Variants in LEMD3 observed in about 807,000 individuals in gnomAD.
The protein encoded by LEMD3 is inner nuclear membrane protein Man1.
In LEMD3, 33 loss-of-function variants were observed where a neutral mutation model predicts 95.2. The ratio of observed to expected loss-of-function variants is 0.35; its 90% CI spans 0.26 to 0.46. The LOEUF (loss-of-function observed/expected upper bound fraction) is 0.46. LEMD3 is among the 20% of genes least tolerant of loss of function. The probability of loss-of-function intolerance (pLI) is 1.00; values close to 1 mark genes in which losing one functional copy is unlikely to be tolerated. For missense variants in LEMD3, 1,210 were observed against 1,192.8 expected, an observed-to-expected ratio of 1.01 and a Z score of -0.21; for synonymous variants, 525 against 474.6, an observed-to-expected ratio of 1.11 and a Z score of -1.38.
chr12:65,238,355 TCTCATTC>T (rs1870832595), intron 4 of LEMD3, 140 bp from the exon 5 acceptor site: 2 of 618,200 alleles, frequency 3.2e-6, no homozygotes, highest in Non-Finnish European at 5.6e-6. Context: ...TTTTCTTTTT[TCTCATTC>T]TTTTTAAAAT....
intron 1 of LEMD3, among the ~76,000 whole-genome samples, chr12:65,192,773 T>G (rs1869283469): frequency 6.6e-6 from 1 of 152,194 alleles, no homozygotes; most frequent in Non-Finnish European, 1.5e-5. Flanking sequence ...ACTTAATGTT[T>G]CAGTATTTTA....
At chr12:65,174,452 C>T (rs1002289773) in intron 1 of LEMD3, among the ~76,000 whole-genome samples, 7 of 152,064 alleles carry the variant, frequency 4.6e-5, no homozygotes, top group East Asian at 1.9e-4. Flanking sequence ...GTCCTAGGCT[C>T]GTATGATCAT....
intron 4 of LEMD3, among the ~76,000 whole-genome samples, chr12:65,222,059 T>C (rs1870308722): frequency 6.6e-6 from 1 of 152,140 alleles, no homozygotes; most frequent in Non-Finnish European, 1.5e-5. Context: ...ATCTTTCAGT[T>C]TGTCACCATT....
chr12:65,188,188 ACT>A (rs148926044), intron 1 of LEMD3, among the ~76,000 whole-genome samples: 7,344 of 152,058 alleles, frequency 0.048, 221 homozygotes, highest in Middle Eastern at 0.12. Context: ...TAGTATAAAG[ACT>A]CTTTTAATAT....
chr12:65,188,488 A>C (rs555193180), intron 1 of LEMD3, among the ~76,000 whole-genome samples: 1 of 152,246 alleles, frequency 6.6e-6, no homozygotes, highest in South Asian at 2.1e-4. Flanking sequence ...ATAAGTGGAA[A>C]GGCCCTAGTT....
intron 4 of LEMD3, among the ~76,000 whole-genome samples, chr12:65,228,402 A>ATT (rs71096032): frequency 4.3e-5 from 6 of 140,556 alleles, no homozygotes; most frequent in East Asian, 2.1e-4. Flanking sequence ...TTATTTATTT[A>ATT]TTTTTTTTTT....
intron 4 of LEMD3, among the ~76,000 whole-genome samples, chr12:65,235,422 G>GT: frequency 6.6e-6 from 1 of 152,048 alleles, no homozygotes; most frequent in South Asian, 2.1e-4. Flanking sequence ...ACTCATATGA[G>GT]TACATATATT....
In LEMD3 at chr12:65,238,517, T is replaced by C; in HGVS notation, c.1711T>C (p.Tyr571His). The C allele has an allele frequency of 6.3e-7, 1 of 1,598,952 alleles. No homozygotes were observed. Among genetic ancestry groups the C allele is most frequent in the Non-Finnish European group, 8.6e-7 (1 of 1,166,296 alleles). ...AAYLKDLGPE[Y>H]EGIFNTSLQW... The stretch of plus-strand genomic sequence containing the variant: ...TTCTTGTTAGGATTTAGGTCCTGAA[T>C]ATGAAGGTATATTTAACACTTCATT... Residue 571 changes from tyrosine to histidine, a missense_variant, in exon 5 of 13, where the codon TAT becomes CAT. Coordinates refer to ENST00000308330, the MANE Select transcript of LEMD3 (RefSeq NM_014319.5).
At chr12:65,212,366 A>G (rs762410284) in intron 2 of LEMD3, among the ~76,000 whole-genome samples, 3 of 152,170 alleles carry the variant, frequency 2.0e-5, no homozygotes, top group Non-Finnish European at 4.4e-5. Context: ...GCATAAGGCA[A>G]ACAGTTTAAA....
chr12:65,201,479 G>A (rs1389908116), intron 1 of LEMD3, among the ~76,000 whole-genome samples: 1 of 152,130 alleles, frequency 6.6e-6, no homozygotes, highest in East Asian at 1.9e-4. Context: ...TTTGATCAGA[G>A]TTTTGTAGTT....
intron 1 of LEMD3, among the ~76,000 whole-genome samples, chr12:65,190,654 T>G (rs1869211668): frequency 6.6e-6 from 1 of 152,154 alleles, no homozygotes; most frequent in Non-Finnish European, 1.5e-5. Context: ...CTCCCTAAAA[T>G]GTATAAAAGC....
chr12:65,228,618 G>A lies in LEMD3; in HGVS notation c.1696-9884G>A, dbSNP rs1014007055. 4.6e-5 allele frequency among the ~76,000 whole-genome samples: 7 copies of A among 151,766 alleles called. No homozygotes were observed. The East Asian group carries it at 5.8e-4, about 13-fold the overall frequency. On this transcript the variant is annotated intron_variant, in intron 4 of 12. Transcript: ENST00000308330. ...TCACCATGTTAGCCAGGATGGTCTCGATCTCCTGACCTCGTCATCTGCCCG... is the reference window on the plus strand; with the variant it reads ...TCACCATGTTAGCCAGGATGGTCTCAATCTCCTGACCTCGTCATCTGCCCG...
intron 4 of LEMD3, among the ~76,000 whole-genome samples, chr12:65,222,293 G>A (rs979432541): frequency 6.6e-6 from 1 of 152,072 alleles, no homozygotes; most frequent in Non-Finnish European, 1.5e-5. Context: ...TGTGTCTGAG[G>A]TATATGATCC....
chr12:65,242,882 A>G (rs888849638), intron 9 of LEMD3, among the ~76,000 whole-genome samples: 3 of 152,180 alleles, frequency 2.0e-5, no homozygotes, highest in East Asian at 1.9e-4. Context: ...CATAATGCCC[A>G]AATACTTTTT....
Position 65,248,032 on chromosome 12 carries a change from A to G in LEMD3, c.*1707A>G, listed in dbSNP as rs916488324. 2.0e-5 allele frequency: 3 copies of G among 152,564 alleles called. No individual in the cohort carries two copies. Among genetic ancestry groups the G allele is most frequent in the Non-Finnish European group, 4.4e-5 (3 of 68,002 alleles). The allele number at this position is 152,564 out of a possible 1,614,324, so 9.5% of individuals were successfully genotyped here. A position where few individuals can be genotyped will look rare whatever the true frequency, so the allele number is the denominator to read the frequency against. On this transcript the variant is annotated 3_prime_UTR_variant, in exon 13 of 13. Transcript: ENST00000308330. ...GACCCCCATCTTGTAACCTGTTGCA[A>G]GAGTGAATGTAAAAAATAGTTGTGG...
chr12:65,236,464 G>C (rs1441017224), intron 4 of LEMD3, among the ~76,000 whole-genome samples: 2 of 152,032 alleles, frequency 1.3e-5, no homozygotes, highest in Non-Finnish European at 2.9e-5. Flanking sequence ...GCACAAGACT[G>C]TGCTTGAGCC....
chr12:65,205,976 G>C (rs1008515570), intron 1 of LEMD3, among the ~76,000 whole-genome samples: 1 of 152,102 alleles, frequency 6.6e-6, no homozygotes, highest in Non-Finnish European at 1.5e-5. Flanking sequence ...GAAACAATTA[G>C]AGAACTTTCA....
chr12:65,187,496 C>G (rs1285631282), intron 1 of LEMD3, among the ~76,000 whole-genome samples: 3 of 152,054 alleles, frequency 2.0e-5, no homozygotes, highest in African/African-American at 7.2e-5. Context: ...GATAATCTGA[C>G]TCCCACTATG....
At chr12:65,240,815 A>T (rs1870912665) in intron 8 of LEMD3, 94 bp from the exon 9 acceptor site, 1 of 1,094,028 alleles carries the variant, frequency 9.1e-7, no homozygotes, top group South Asian at 1.3e-5. Flanking sequence ...TAGTGGTAAG[A>T]ACAGCTAGAG....
Sources: allele counts gnomAD v4.1 joint callset (sites outside exome capture counted in the v4.1 genomes callset), GRCh38; gene constraint gnomAD v4.1.1; transcripts MANE v1.5; gene names NCBI Gene and HGNC (gene_info 2026-07-23, HGNC 2026-07-21).